Variants in SYNE1 observed in about 807,000 individuals in gnomAD.
The protein encoded by SYNE1 is spectrin repeat containing nuclear envelope protein 1.
SYNE1 carries 616 observed loss-of-function variants against 1,111.0 expected under a neutral mutation model. That is an observed-to-expected ratio of 0.55 (90% CI 0.52 to 0.59). The LOEUF (loss-of-function observed/expected upper bound fraction) is 0.59. Ranked by LOEUF, SYNE1 falls within the 20% of genes least tolerant of loss-of-function variation. The pLI is 0.00. For synonymous variants in SYNE1, 3,855 were observed against 3,825.8 expected (o/e 1.01, Z -0.28); for missense variants, 10,006 against 10,417.0 (o/e 0.96, Z 1.72).
At position 152,249,237 on chromosome 6, in the gene SYNE1, G is replaced by T; in HGVS notation, c.19496C>A (p.Ser6499Ter). 1 of 1,613,420 alleles carries T rather than the reference G, an allele frequency of 6.2e-7. No homozygotes were observed. The change falls in exon 105 of 146, where the codon TCA becomes TAA. Residue 6499 changes from serine (S) to a stop codon, truncating the protein, a stop_gained. Coordinates refer to ENST00000367255, the MANE Select transcript of SYNE1 (RefSeq NM_182961.4). LOFTEE classifies it high-confidence loss of function. ...FQNDLKVLFT[S>*]LADNKYIILQ... ...AATGATGTATTTGTTGTCAGCCAGTGATGTAAACAGCACTTTCAGATCATT... is the reference window on the plus strand; with the variant it reads ...AATGATGTATTTGTTGTCAGCCAGTTATGTAAACAGCACTTTCAGATCATT...
chr6:152,499,602 T>C (rs1233150973), intron 10 of SYNE1, among the ~76,000 whole-genome samples: 1 of 152,144 alleles, frequency 6.6e-6, no homozygotes, highest in African/African-American at 2.4e-5. Context: ...CTAATACGCA[T>C]AGTTTACAAA....
At chr6:152,203,951 C>T (rs916304585) in intron 126 of SYNE1, among the ~76,000 whole-genome samples, 2 of 152,086 alleles carry the variant, frequency 1.3e-5, no homozygotes, top group African/African-American at 4.8e-5. Flanking sequence ...CAATGCTAAC[C>T]ATAGTGAGGG....
At chr6:152,365,469 C>G (rs1435296594) in intron 62 of SYNE1, among the ~76,000 whole-genome samples, 1 of 151,888 alleles carries the variant, frequency 6.6e-6, no homozygotes, top group East Asian at 1.9e-4. Context: ...TCTTCTTTTG[C>G]TTTTTTTAGA....
chr6:152,367,628 A>T (rs2097104073), intron 61 of SYNE1: 3 of 518,672 alleles, frequency 5.8e-6, no homozygotes, highest in Non-Finnish European at 1.0e-5. Flanking sequence ...TATGACTATC[A>T]TGATTATTTT....
intron 31 of SYNE1, 32 bp from the exon 32 acceptor site, chr6:152,441,302 T>A (rs761274335): frequency 7.6e-6 from 12 of 1,588,716 alleles, no homozygotes; most frequent in Non-Finnish European, 1.0e-5. Context: ...ACAAATGGGT[T>A]ACAAATGTCA....
At chr6:152,427,394 C>T (rs1020617492) in intron 38 of SYNE1, among the ~76,000 whole-genome samples, 1 of 152,154 alleles carries the variant, frequency 6.6e-6, no homozygotes, top group Non-Finnish European at 1.5e-5. Context: ...TATTCCTACC[C>T]ATCCTTTCCT....
intron 80 of SYNE1, among the ~76,000 whole-genome samples, chr6:152,325,658 C>G (rs961128777): frequency 1.3e-5 from 2 of 152,184 alleles, no homozygotes; most frequent in Non-Finnish European, 2.9e-5. Context: ...AAGGGAGACT[C>G]AGTTATTAAC....
chr6:152,250,071 G>T (rs4870087), intron 104 of SYNE1, among the ~76,000 whole-genome samples: 98,366 of 150,932 alleles, frequency 0.65, 32,478 homozygotes, highest in East Asian at 0.88. Flanking sequence ...AAGACCAGCC[G>T]GGGCAACACA....
intron 10 of SYNE1, among the ~76,000 whole-genome samples, chr6:152,501,505 C>T (rs2099029772): frequency 6.6e-6 from 1 of 152,166 alleles, no homozygotes. Context: ...GAGGCAGAGG[C>T]AGGCAGATCA....
intron 99 of SYNE1, among the ~76,000 whole-genome samples, chr6:152,268,534 T>A (rs1268737832): frequency 6.6e-6 from 1 of 152,170 alleles, no homozygotes; most frequent in African/African-American, 2.4e-5. Context: ...CTTTTTAAGT[T>A]CTCCACTTAA....
At chr6:152,456,759 AT>A in intron 22 of SYNE1, 2 of 448,976 alleles carry the variant, frequency 4.5e-6, no homozygotes, top group South Asian at 1.6e-5. Context: ...GCAGAGGGTC[AT>A]TTTTTGGCTT....
chr6:152,446,287 G>C (rs542124456), intron 29 of SYNE1, among the ~76,000 whole-genome samples: 1 of 152,134 alleles, frequency 6.6e-6, no homozygotes, highest in East Asian at 1.9e-4. Flanking sequence ...CAGGCAACTG[G>C]CTAAATGTGG....
chr6:152,451,276 C>CAA lies in SYNE1; in HGVS notation c.3028-73_3028-72dup, dbSNP rs3835245. ...TTATGTACATTCCCAATTGAAGTGG[C>CAA]AAAAAAAAAAACAAAAACCATAACA... On this transcript the variant is annotated intron_variant, in intron 25 of 145. Transcript: ENST00000367255. The CAA allele has an allele frequency of 8.6e-4, 1,085 of 1,261,914 alleles. 1 individual carries two copies. Among genetic ancestry groups the CAA allele is most frequent in the Middle Eastern group, 2.9e-3 (12 of 4,190 alleles). 78.2% of individuals were successfully genotyped at this position (1,261,914 alleles called of 1,614,324 possible). A position where few individuals can be genotyped will look rare whatever the true frequency, so the allele number is the denominator to read the frequency against.
At position 152,321,262 on chromosome 6, in the gene SYNE1, C is replaced by T. The variant is rs150928921; in HGVS notation, c.16212G>A (p.Ala5404=). The T allele has an allele frequency of 3.5e-5, 56 of 1,613,628 alleles. No individual in the cohort carries two copies. In the African/African-American group the frequency reaches 3.5e-4, roughly 10 times the overall value. The part of the protein sequence containing the change: ...SELSLQLAEV[A]LDLKIRDQIQ... ...CCTGATCTCGGATCTTTAGATCTAACGCCACTTCAGCCAACTGAAGGGAGA... is the reference window on the plus strand; with the variant it reads ...CCTGATCTCGGATCTTTAGATCTAATGCCACTTCAGCCAACTGAAGGGAGA... The change falls in exon 84 of 146, where the codon GCG becomes GCA. Residue 5404 remains alanine (A), a synonymous_variant. Transcript: ENST00000367255.
chr6:152,439,298 T>C (rs116354246), intron 32 of SYNE1, among the ~76,000 whole-genome samples: 2 of 152,338 alleles, frequency 1.3e-5, no homozygotes, highest in East Asian at 1.9e-4. Context: ...TCAGAAACTC[T>C]GGCTGGAACG....
chr6:152,170,605 A>G (rs960911118), intron 130 of SYNE1, among the ~76,000 whole-genome samples: 2 of 152,166 alleles, frequency 1.3e-5, no homozygotes, highest in African/African-American at 4.8e-5. Flanking sequence ...CCAGCCGTGA[A>G]TTCCAAGAAT....
chr6:152,326,780 G>T, intron 78 of SYNE1, 147 bp from the exon 79 acceptor site: 1 of 735,958 alleles, frequency 1.4e-6, no homozygotes, highest in Non-Finnish European at 2.3e-6. Context: ...ATATTTTTGT[G>T]GTGCCATCAT....
In SYNE1 at chr6:152,465,265, G is replaced by A. The variant is rs377548995; in HGVS notation, c.1925C>T (p.Ala642Val). 1 of 1,613,268 alleles carries A rather than the reference G, an allele frequency of 6.2e-7. No individual in the cohort carries two copies. The highest frequency in any genetic ancestry group is 8.5e-7 in the Non-Finnish European group (1 of 1,179,646). ...AEKMLNQSEN[A>V]KKDFFRNLPH... The stretch of plus-strand genomic sequence containing the variant: ...TGCATGAACCAATCTTACCTTTTTG[G>A]CATTTTCTGATTGATTGAGCATTTT... Residue 642 changes from alanine (A) to valine (V), a missense_variant, in exon 18 of 146, where the codon GCC becomes GTC. Physicochemically the swap from Ala to Val is moderately conservative, Grantham distance 64 (BLOSUM62 0). Coordinates refer to ENST00000367255, the MANE Select transcript of SYNE1 (RefSeq NM_182961.4).
intron 65 of SYNE1, 147 bp downstream of exon 65, chr6:152,359,168 G>T (rs929157855): frequency 9.5e-6 from 11 of 1,161,260 alleles, no homozygotes; most frequent in Admixed American, 3.7e-5. Flanking sequence ...GATTTTGCCA[G>T]TAATTCCTTT....
Sources: allele counts gnomAD v4.1 joint callset (sites outside exome capture counted in the v4.1 genomes callset), GRCh38; gene constraint gnomAD v4.1.1; transcripts MANE v1.5; gene names NCBI Gene and HGNC (gene_info 2026-07-23, HGNC 2026-07-21).